The following FRAS1 variants were observed in gnomAD, a reference collection of about 807,000 sequenced individuals.
The protein encoded by FRAS1 is Fraser extracellular matrix complex subunit 1.
Under a neutral mutation model 435.2 loss-of-function variants are expected in FRAS1, and 290 were observed. The observed-to-expected ratio is 0.67, with a 90% confidence interval of 0.61 to 0.73. FRAS1 has a LOEUF of 0.73. Ranked by LOEUF, FRAS1 falls within the 30% of genes least tolerant of loss-of-function variation. The probability of loss-of-function intolerance (pLI) is 0.00; values close to 1 mark genes in which losing one functional copy is unlikely to be tolerated. For synonymous variants in FRAS1, 1,800 were observed against 1,851.0 expected (o/e 0.97, Z 0.71); for missense variants, 4,860 against 5,001.5 (o/e 0.97, Z 0.85).
intron 6 of FRAS1, among the ~76,000 whole-genome samples, chr4:78,258,339 CAA>C (rs33932507): frequency 0.31 from 42,847 of 139,650 alleles, 6,517 homozygotes; most frequent in Admixed American, 0.37. Context: ...AGACCTGTAT[CAA>C]AAAAAAAAAA....
intron 7 of FRAS1, 78 bp from the exon 8 acceptor site, chr4:78,266,756 G>A (rs532313648): frequency 9.8e-7 from 1 of 1,021,472 alleles, no homozygotes; most frequent in Non-Finnish European, 1.5e-6. Context: ...TGAAAATTGG[G>A]TGTCTTATGT....
chr4:78,475,596 A>C lies in FRAS1; in HGVS notation c.7841A>C (p.Tyr2614Ser), dbSNP rs749295873. Residue 2614 changes from tyrosine to serine, a missense_variant, in exon 54 of 74, where the codon TAT (tyrosine) becomes TCT (serine). Tyr to Ser is a moderately radical substitution (Grantham distance 144). Transcript: ENST00000512123. ...CCTGGGCAACAGGACTATGTAGAGT[A>C]TGCTGGCCAGGTAGGTGGGGTAGTG... The part of the protein sequence containing the change: ...SQPGQQDYVE[Y>S]AGQVQFDERE... 6.3e-7 allele frequency: 1 copy of C among 1,580,232 alleles called. No individual in the cohort carries two copies. The highest frequency in any genetic ancestry group is 8.6e-7 in the Non-Finnish European group (1 of 1,157,638).
intron 63 of FRAS1, among the ~76,000 whole-genome samples, chr4:78,509,700 A>G (rs576219977): frequency 7.2e-4 from 109 of 152,310 alleles, no homozygotes; most frequent in African/African-American, 2.4e-3. Flanking sequence ...TGTTTTCCCA[A>G]CCTTAACAAA....
chr4:78,469,994 C>A lies in FRAS1; in HGVS notation c.7274C>A (p.Pro2425His). The A allele has an allele frequency of 6.2e-7, 1 of 1,613,472 alleles. No homozygotes were observed. Among genetic ancestry groups the A allele is most frequent in the South Asian group, 1.1e-5 (1 of 90,992 alleles). ...EGGKEIMTAA[P>H]QPFRVDILPV... ...CCCCTTCAGATTATGACAGCAGCAC[C>A]TCAGCCGTTCCGAGTAGACATCCTC... Residue 2425 changes from proline (P) to histidine (H), a missense_variant, in exon 51 of 74, where the codon CCT becomes CAT. By Grantham distance (77) the Pro-to-His change is moderately conservative. Transcript: ENST00000512123.
At chr4:78,267,005 C>A in intron 8 of FRAS1, 70 bp downstream of exon 8, 1 of 1,142,008 alleles carries the variant, frequency 8.8e-7, no homozygotes, top group Non-Finnish European at 1.3e-6. Flanking sequence ...ACTTCTTATT[C>A]CGGTGTGTCC....
At chr4:78,084,181 A>C (rs1382133369) in intron 2 of FRAS1, among the ~76,000 whole-genome samples, 1 of 152,158 alleles carries the variant, frequency 6.6e-6, no homozygotes, top group African/African-American at 2.4e-5. Context: ...ACATACAATC[A>C]AATATTTTTT....
chr4:78,510,866 G>A (rs1195411399), intron 63 of FRAS1, among the ~76,000 whole-genome samples: 4 of 152,190 alleles, frequency 2.6e-5, no homozygotes, highest in African/African-American at 4.8e-5. Context: ...TCCTGGGAAG[G>A]AAGCATATTT....
At chr4:78,122,299 C>T (rs527585017) in intron 2 of FRAS1, among the ~76,000 whole-genome samples, 24 of 152,266 alleles carry the variant, frequency 1.6e-4, no homozygotes, top group African/African-American at 5.8e-4. Context: ...CTGCAAAGGA[C>T]ATTAACTCAT....
intron 18 of FRAS1, among the ~76,000 whole-genome samples, chr4:78,325,611 T>C (rs1729687440): frequency 6.6e-6 from 1 of 152,216 alleles, no homozygotes; most frequent in Non-Finnish European, 1.5e-5. Context: ...CCTTCTTGCT[T>C]TTATAGCATG....
intron 2 of FRAS1, among the ~76,000 whole-genome samples, chr4:78,183,733 T>C (rs919398324): frequency 1.5e-4 from 2 of 13,268 alleles, no homozygotes; most frequent in Non-Finnish European, 3.9e-4. Flanking sequence ...TCATTCTCTT[T>C]GTGTGTGTGT....
At chr4:78,098,047 C>A (rs1313835066) in intron 2 of FRAS1, among the ~76,000 whole-genome samples, 1 of 151,782 alleles carries the variant, frequency 6.6e-6, no homozygotes, top group Non-Finnish European at 1.5e-5. Context: ...TCTGTTTAAG[C>A]CACTCAGCCT....
At chr4:78,215,201 A>G (rs1723707474) in intron 2 of FRAS1, among the ~76,000 whole-genome samples, 1 of 151,668 alleles carries the variant, frequency 6.6e-6, no homozygotes, top group Non-Finnish European at 1.5e-5. Flanking sequence ...TATTATTATT[A>G]TTATTATTAT....
chr4:78,120,294 A>C (rs1718936248), intron 2 of FRAS1, among the ~76,000 whole-genome samples: 1 of 152,200 alleles, frequency 6.6e-6, no homozygotes, highest in South Asian at 2.1e-4. Context: ...TCGTGGCAGC[A>C]GGGCAAGAAT....
chr4:78,181,448 T>C (rs767812285), intron 2 of FRAS1: 2 of 1,611,868 alleles, frequency 1.2e-6, no homozygotes, highest in Non-Finnish European at 1.7e-6. Flanking sequence ...AGAAGATCTA[T>C]CACTTCCACT....
intron 52 of FRAS1, among the ~76,000 whole-genome samples, 187 bp from the exon 53 acceptor site, chr4:78,473,251 G>C (rs2109852630): frequency 6.6e-6 from 1 of 151,888 alleles, no homozygotes; most frequent in Middle Eastern, 3.4e-3. Context: ...TTTTCACAGA[G>C]CTTCAGGATT....
intron 72 of FRAS1, among the ~76,000 whole-genome samples, chr4:78,538,160 G>A (rs1477404628): frequency 6.6e-6 from 1 of 152,018 alleles, no homozygotes; most frequent in Non-Finnish European, 1.5e-5. Flanking sequence ...AATGAATTTA[G>A]GTATTTTCAC....
chr4:78,527,967 T>C (rs1721592596), intron 70 of FRAS1, among the ~76,000 whole-genome samples: 1 of 152,090 alleles, frequency 6.6e-6, no homozygotes, highest in Admixed American at 6.6e-5. Flanking sequence ...TGGCCATAGC[T>C]GGAAGCACAG....
At chr4:78,111,897 G>A (rs367676826) in intron 2 of FRAS1, among the ~76,000 whole-genome samples, 1 of 151,928 alleles carries the variant, frequency 6.6e-6, no homozygotes, top group Non-Finnish European at 1.5e-5. Context: ...AGAAAAGCAG[G>A]CTTACTGCAG....
chr4:78,514,840 G>A (rs988038580), intron 65 of FRAS1, among the ~76,000 whole-genome samples: 2 of 152,088 alleles, frequency 1.3e-5, no homozygotes, highest in African/African-American at 4.8e-5. Flanking sequence ...GCTGAGGCGG[G>A]TGGATTGCCT....
Sources: allele counts gnomAD v4.1 joint callset (sites outside exome capture counted in the v4.1 genomes callset), GRCh38; gene constraint gnomAD v4.1.1; transcripts MANE v1.5; gene names NCBI Gene and HGNC (gene_info 2026-07-23, HGNC 2026-07-21).